Variants in BLTP3B observed in about 807,000 individuals in gnomAD.
BLTP3B encodes bridge-like lipid transfer protein family member 3B, also known as UHRF1 (ICBP90) binding protein 1-like.
At chr12:100,043,847 G>A in the BLTP3B span, among the ~76,000 whole-genome samples, 1 of 152,160 alleles carries the variant, frequency 6.6e-6, no homozygotes, top group African/African-American at 2.4e-5. Flanking sequence ...GTTGCCTCAG[G>A]GGCTAATTCT....
the BLTP3B span, chr12:100,059,986 C>T: frequency 6.2e-7 from 1 of 1,612,836 alleles, no homozygotes; most frequent in Admixed American, 1.7e-5. Flanking sequence ...TAGAATGCTT[C>T]TTTCATCCAC....
chr12:100,098,989 C>T, the BLTP3B span, among the ~76,000 whole-genome samples: 1 of 130,602 alleles, frequency 7.7e-6, no homozygotes, highest in South Asian at 2.3e-4. Context: ...TTGCACGTCA[C>T]CATTTTATTA....
chr12:100,098,662 G>C, the BLTP3B span: 1 of 1,040,590 alleles, frequency 9.6e-7, no homozygotes, highest in South Asian at 1.9e-5. Flanking sequence ...AGCACTTTGG[G>C]AGGCTGAGGC....
chr12:100,095,312 A>C, the BLTP3B span, among the ~76,000 whole-genome samples: 432 of 152,216 alleles, frequency 2.8e-3, 3 homozygotes, highest in African/African-American at 9.9e-3. Flanking sequence ...TGCACAGTTA[A>C]CTCTCACACG....
chr12:100,073,674 T>A, the BLTP3B span, among the ~76,000 whole-genome samples: 2 of 152,120 alleles, frequency 1.3e-5, no homozygotes, highest in Non-Finnish European at 2.9e-5. Flanking sequence ...TTCCGTCAAA[T>A]AGTTTGATCG....
At chr12:100,063,106 C>T in the BLTP3B span, among the ~76,000 whole-genome samples, 2 of 152,068 alleles carry the variant, frequency 1.3e-5, no homozygotes, top group Admixed American at 6.6e-5. Flanking sequence ...CTCGGATGGA[C>T]GTAGCAGTGT....
chr12:100,065,146 CTTA>C, the BLTP3B span, among the ~76,000 whole-genome samples: 1 of 152,074 alleles, frequency 6.6e-6, no homozygotes, highest in Non-Finnish European at 1.5e-5. Context: ...TAATAATATT[CTTA>C]TAATTTTTTA....
chr12:100,115,932 T>C, the BLTP3B span, among the ~76,000 whole-genome samples: 2 of 152,072 alleles, frequency 1.3e-5, no homozygotes, highest in African/African-American at 2.4e-5. Flanking sequence ...ATCCCAGCAC[T>C]TTAAGGCAGG....
chr12:100,137,631 T>G, the BLTP3B span, among the ~76,000 whole-genome samples: 2 of 152,116 alleles, frequency 1.3e-5, no homozygotes, highest in Non-Finnish European at 2.9e-5. Context: ...ATTTTCTACT[T>G]AAGTTACTCA....
chr12:100,045,010 G>C, the BLTP3B span, among the ~76,000 whole-genome samples: 1 of 152,106 alleles, frequency 6.6e-6, no homozygotes, highest in Admixed American at 6.5e-5. Context: ...TTACTACAAA[G>C]AGAATAAAAT....
At chr12:100,114,675 T>C in the BLTP3B span, among the ~76,000 whole-genome samples, 3 of 152,240 alleles carry the variant, frequency 2.0e-5, no homozygotes, top group Non-Finnish European at 4.4e-5. Context: ...CAAGAGAAGA[T>C]GTTTTCAGAA....
the BLTP3B span, chr12:100,142,782 G>T: frequency 1.7e-6 from 2 of 1,199,144 alleles, no homozygotes; most frequent in Non-Finnish European, 2.2e-6. Flanking sequence ...CCCGGCCAAG[G>T]CCACAGCCGC....
chr12:100,040,798 C>CTA, the BLTP3B span, among the ~76,000 whole-genome samples: 4 of 152,132 alleles, frequency 2.6e-5, no homozygotes, highest in Non-Finnish European at 5.9e-5. Flanking sequence ...GTCAATAGAC[C>CTA]TATAGCTGAG....
chr12:100,061,095 GA>G, the BLTP3B span, among the ~76,000 whole-genome samples: 1 of 152,130 alleles, frequency 6.6e-6, no homozygotes, highest in African/African-American at 2.4e-5. Flanking sequence ...TACAAACAGA[GA>G]AAAATTACAA....
At chr12:100,123,264 AC>A in the BLTP3B span, among the ~76,000 whole-genome samples, 2 of 152,198 alleles carry the variant, frequency 1.3e-5, no homozygotes, top group Non-Finnish European at 2.9e-5. Flanking sequence ...GAACAGACAG[AC>A]AAAGATCTTT....
the BLTP3B span, among the ~76,000 whole-genome samples, chr12:100,134,139 C>A: frequency 2.0e-5 from 3 of 151,094 alleles, no homozygotes; most frequent in Non-Finnish European, 2.9e-5. Flanking sequence ...TAAAAAAAAA[C>A]AACAATAGCA....
the BLTP3B span, among the ~76,000 whole-genome samples, chr12:100,141,446 TACAC>T: frequency 9.9e-5 from 15 of 150,964 alleles, no homozygotes; most frequent in East Asian, 9.8e-4. Flanking sequence ...TATATATATG[TACAC>T]ACACACACAC....
At chr12:100,078,506 G>A in the BLTP3B span, among the ~76,000 whole-genome samples, 9 of 152,134 alleles carry the variant, frequency 5.9e-5, no homozygotes, top group South Asian at 2.1e-4. Context: ...ATAGCAAAAC[G>A]ACGCAGGGTG....
the BLTP3B span, among the ~76,000 whole-genome samples, chr12:100,075,097 T>C: frequency 6.6e-6 from 1 of 151,658 alleles, no homozygotes. Flanking sequence ...CTGCAACCTC[T>C]GCCTCCCGGG....
Sources: gnomAD v4.1 joint callset for allele counts (sites outside exome capture counted in the v4.1 genomes callset) on GRCh38, gnomAD v4.1.1 for gene constraint, MANE v1.5 for transcripts, NCBI Gene and HGNC (gene_info 2026-07-23, HGNC 2026-07-21) for gene names.